The following CLIC6 variants were observed in gnomAD, a reference collection of about 807,000 sequenced individuals.
CLIC6 encodes CLIC family member 6.
Under a neutral mutation model 49.2 loss-of-function variants are expected in CLIC6, and 39 were observed. The observed-to-expected ratio is 0.79, with a 90% CI of 0.61 to 1.04. The LOEUF is 1.04. CLIC6 is among the 50% of genes least tolerant of loss of function. CLIC6 has a pLI of 0.00. For missense variants in CLIC6, 988 were observed against 993.1 expected (o/e 0.99, Z 0.07); for synonymous variants, 446 against 433.4 (o/e 1.03, Z -0.36).
intron 1 of CLIC6, among the ~76,000 whole-genome samples, chr21:34,671,708 C>T (rs1687492547): frequency 6.6e-6 from 1 of 152,190 alleles, no homozygotes; most frequent in Non-Finnish European, 1.5e-5. Context: ...CATAATCCTT[C>T]AGAAATACTT....
intron 1 of CLIC6, among the ~76,000 whole-genome samples, chr21:34,694,820 T>C (rs991812192): frequency 2.0e-5 from 3 of 152,226 alleles, no homozygotes; most frequent in Non-Finnish European, 4.4e-5. Context: ...ATGGCATCCA[T>C]GGCCATCATG....
At position 34,711,235 on chromosome 21, in the gene CLIC6, A is replaced by G. The variant is rs116045263; in HGVS notation, c.1899+1697A>G. On this transcript the variant is annotated intron_variant, in intron 5 of 5. Transcript: ENST00000349499. ...AATAACACATTTAGTTAGCATTTAG[A>G]AATTACAAGGTAGCGGCCAGGCGCA... Among the ~76,000 whole-genome samples, 1,195 of 152,294 alleles carry G rather than the reference A, an allele frequency of 7.8e-3. 20 individuals are homozygous for G. The highest frequency in any genetic ancestry group is 0.027 in the African/African-American group (1,120 of 41,550).
chr21:34,711,348 A>G (rs1295722544), intron 5 of CLIC6, among the ~76,000 whole-genome samples: 1 of 152,108 alleles, frequency 6.6e-6, no homozygotes, highest in Non-Finnish European at 1.5e-5. Context: ...CCTGGCCAAC[A>G]TGGAGAAACC....
rs1297784704 is a variant in CLIC6 at position 34,717,297 on chromosome 21, C to A, written c.*815C>A. On this transcript the variant is annotated 3_prime_UTR_variant, in exon 6 of 6. Coordinates refer to ENST00000349499, the MANE Select transcript of CLIC6 (RefSeq NM_053277.3). Reference sequence around the variant, plus strand: ...TTAATATCTGCTGCAACTTGGAGAACCTCCCTGCCCTGAAATGTGAACCAA... The same window carrying A: ...TTAATATCTGCTGCAACTTGGAGAAACTCCCTGCCCTGAAATGTGAACCAA... 6.6e-6 allele frequency: 1 copy of A among 152,208 alleles called. No individual in the cohort carries two copies. The highest frequency in any genetic ancestry group is 1.5e-5 in the Non-Finnish European group (1 of 68,056). 9.4% of individuals were successfully genotyped at this position (152,208 alleles called of 1,614,324 possible). A position where few individuals can be genotyped will look rare whatever the true frequency, so the allele number is the denominator to read the frequency against.
At position 34,717,862 on chromosome 21, in the gene CLIC6, C is replaced by T. The variant is rs1239728107; in HGVS notation, c.*1380C>T. On this transcript the variant is annotated 3_prime_UTR_variant, in exon 6 of 6. Transcript: ENST00000349499. ...TTTGAAAGAGAGTAAGATGCATTAA[C>T]AGAAACTATCCTGGGATTAGGTGAA... is the stretch of plus-strand genomic sequence containing the variant. 1 of 152,164 alleles carries T rather than the reference C, an allele frequency of 6.6e-6. No individual in the cohort carries two copies. The highest frequency in any genetic ancestry group is 2.4e-5 in the African/African-American group (1 of 41,438). 9.4% of individuals were successfully genotyped at this position (152,164 alleles called of 1,614,324 possible).
At chr21:34,687,310 C>T (rs2834578) in intron 1 of CLIC6, among the ~76,000 whole-genome samples, 58,476 of 151,994 alleles carry the variant, frequency 0.38, 11,900 homozygotes, top group East Asian at 0.63. Context: ...CCTAAACCAC[C>T]GGGATATATA....
At chr21:34,716,198 C>G in intron 5 of CLIC6, 123 bp from the exon 6 acceptor site, 1 of 821,486 alleles carries the variant, frequency 1.2e-6, no homozygotes. Flanking sequence ...GCCCGGATGA[C>G]TGTGGGATGA....
intron 5 of CLIC6, among the ~76,000 whole-genome samples, chr21:34,713,633 T>C (rs185119897): frequency 2.0e-5 from 3 of 150,222 alleles, no homozygotes; most frequent in Admixed American, 1.3e-4. Flanking sequence ...ATCCCAGATA[T>C]ACATGATCAG....
chr21:34,716,244 A>T, intron 5 of CLIC6, 77 bp from the exon 6 acceptor site: 1 of 1,236,402 alleles, frequency 8.1e-7, no homozygotes, highest in South Asian at 1.4e-5. Context: ...TGCATGCCTC[A>T]GAAGAATGGA....
At chr21:34,692,076 T>C (rs1990005575) in intron 1 of CLIC6, among the ~76,000 whole-genome samples, 1 of 152,212 alleles carries the variant, frequency 6.6e-6, no homozygotes, top group Non-Finnish European at 1.5e-5. Flanking sequence ...CCTCAAACTT[T>C]TTAGAAAGAG....
At chr21:34,674,754 G>A (rs1464433728) in intron 1 of CLIC6, among the ~76,000 whole-genome samples, 1 of 152,200 alleles carries the variant, frequency 6.6e-6, no homozygotes, top group Non-Finnish European at 1.5e-5. Context: ...TATTTAGTAA[G>A]AAAGGTTCTT....
intron 1 of CLIC6, among the ~76,000 whole-genome samples, chr21:34,673,909 C>G (rs1302708899): frequency 1.3e-5 from 2 of 152,126 alleles, no homozygotes; most frequent in Non-Finnish European, 2.9e-5. Context: ...CAGTGGACAC[C>G]TGAGCTGGGT....
rs2055993986 is a variant in CLIC6, at chr21:34,703,534, T to C, written c.1375-3746T>C. ...AGGTGGCTGTGTGGGTGGTGCCCTG[T>C]ACATGTAACTCCAGACCACTGGAGA... On this transcript the variant is annotated intron_variant, in intron 1 of 5. Coordinates refer to ENST00000349499, the MANE Select transcript of CLIC6 (RefSeq NM_053277.3). Among the ~76,000 whole-genome samples, 3 of 152,108 alleles carry C rather than the reference T, an allele frequency of 2.0e-5. No homozygotes were observed. The South Asian group carries it at 6.2e-4, about 32-fold the overall frequency.
chr21:34,711,970 C>T (rs1353959006), intron 5 of CLIC6, among the ~76,000 whole-genome samples: 1 of 152,142 alleles, frequency 6.6e-6, no homozygotes, highest in Non-Finnish European at 1.5e-5. Flanking sequence ...CTGTGACCAG[C>T]GTAGCATTGC....
intron 1 of CLIC6, among the ~76,000 whole-genome samples, chr21:34,677,073 T>C (rs1164685090): frequency 6.6e-6 from 1 of 152,196 alleles, no homozygotes; most frequent in Non-Finnish European, 1.5e-5. Flanking sequence ...AGGGAGACGG[T>C]ATCCAAGTCC....
intron 5 of CLIC6, among the ~76,000 whole-genome samples, chr21:34,713,392 A>G (rs1348984562): frequency 6.6e-6 from 1 of 152,240 alleles, no homozygotes; most frequent in Non-Finnish European, 1.5e-5. Context: ...GCTCAAGAAG[A>G]AAAGTAAAGA....
intron 5 of CLIC6, 136 bp from the exon 6 acceptor site, chr21:34,716,185 G>A (rs768760704): frequency 7.4e-5 from 53 of 719,724 alleles, no homozygotes; most frequent in Middle Eastern, 4.1e-4. Context: ...GCCGTGGTGG[G>A]TAGCCCGGAT....
intron 5 of CLIC6, among the ~76,000 whole-genome samples, chr21:34,711,368 C>CA (rs1001210218): frequency 6.6e-6 from 1 of 151,804 alleles, no homozygotes; most frequent in Non-Finnish European, 1.5e-5. Flanking sequence ...CCTATCTCTA[C>CA]AAAAAATAAA....
At position 34,688,860 on chromosome 21, in the gene CLIC6, A is replaced by G. The variant is rs147320056; in HGVS notation, c.1374+18098A>G. ...GCAAATTCTGATGGCCGCAATGTCA[A>G]AATTTCCCCCAAAGAAGCCTGCTTG... On this transcript the variant is annotated intron_variant, in intron 1 of 5. Transcript: ENST00000349499. Among the ~76,000 whole-genome samples, 1,290 of 152,318 alleles carry G rather than the reference A, an allele frequency of 8.5e-3. 22 individuals carry two copies. The highest frequency in any genetic ancestry group is 0.027 in the African/African-American group (1,143 of 41,566).
Sources: allele counts gnomAD v4.1 joint callset (sites outside exome capture counted in the v4.1 genomes callset), GRCh38; gene constraint gnomAD v4.1.1; transcripts MANE v1.5; gene names NCBI Gene and HGNC (gene_info 2026-07-23, HGNC 2026-07-21).